PDK1: variants seen among roughly 807,000 people sequenced by gnomAD.
The protein encoded by PDK1 is pyruvate dehydrogenase kinase 1.
PDK1 carries 39 observed loss-of-function variants against 54.2 expected under a neutral mutation model. The observed-to-expected ratio is 0.72, with a 90% CI of 0.56 to 0.94. PDK1 has a LOEUF of 0.94. Ranked by LOEUF, PDK1 falls within the 40% of genes least tolerant of loss-of-function variation. The probability of loss-of-function intolerance (pLI) is 0.00; values close to 1 mark genes in which losing one functional copy is unlikely to be tolerated. For missense variants in PDK1, 552 were observed against 566.0 expected, an observed-to-expected ratio of 0.98 and a Z score of 0.25; for synonymous variants, 221 against 207.1, an observed-to-expected ratio of 1.07 and a Z score of -0.58.
intron 5 of PDK1, 53 bp downstream of exon 5, chr2:172,565,126 GT>G: frequency 9.4e-7 from 1 of 1,068,864 alleles, no homozygotes. Flanking sequence ...CAAAATTATT[GT>G]TATTTCTTAC....
the PDK1 span, chr2:172,678,740 C>T: frequency 1.3e-5 from 2 of 152,134 alleles, no homozygotes; most frequent in Non-Finnish European, 2.9e-5. Flanking sequence ...TGAAATAGGG[C>T]CTTGGCACAA....
At chr2:172,721,116 C>T in the PDK1 span, among the ~76,000 whole-genome samples, 7 of 152,226 alleles carry the variant, frequency 4.6e-5, no homozygotes, top group Middle Eastern at 3.2e-3. Context: ...CAACCGGCAT[C>T]TCTTCTTCCT....
chr2:172,615,153 AGGGTGCCCCTGCT>A, the PDK1 span, among the ~76,000 whole-genome samples: 2 of 152,230 alleles, frequency 1.3e-5, no homozygotes, highest in African/African-American at 4.8e-5. Flanking sequence ...CCGAGTAGAC[AGGGTGCCCCTGCT>A]GGGAGTCTGG....
chr2:172,671,539 GT>G, the PDK1 span, among the ~76,000 whole-genome samples: 330 of 139,812 alleles, frequency 2.4e-3, no homozygotes, highest in Middle Eastern at 3.8e-3. Context: ...CCCTCTATTG[GT>G]TTTTTTTTTT....
intron 8 of PDK1, among the ~76,000 whole-genome samples, chr2:172,571,255 A>C (rs958207730): frequency 6.6e-6 from 1 of 152,216 alleles, no homozygotes; most frequent in Non-Finnish European, 1.5e-5. Flanking sequence ...GGAGACTAAG[A>C]CACAGTGATT....
the PDK1 span, among the ~76,000 whole-genome samples, chr2:172,703,083 A>AG: frequency 6.6e-6 from 1 of 152,218 alleles, no homozygotes; most frequent in Admixed American, 6.5e-5. Flanking sequence ...TGCCATCCCA[A>AG]GCATCCTTAT....
the PDK1 span, among the ~76,000 whole-genome samples, chr2:172,638,385 C>G: frequency 6.6e-6 from 1 of 152,180 alleles, no homozygotes; most frequent in Non-Finnish European, 1.5e-5. Flanking sequence ...ACATAAAATC[C>G]TCCTTCCTAT....
chr2:172,664,526 C>T, the PDK1 span, among the ~76,000 whole-genome samples: 7 of 151,898 alleles, frequency 4.6e-5, no homozygotes, highest in African/African-American at 1.7e-4. Context: ...AAATTTTTCC[C>T]ATTACTCAGT....
At chr2:172,570,559 A>G in intron 7 of PDK1, 167 bp from the exon 8 acceptor site, 1 of 482,088 alleles carries the variant, frequency 2.1e-6, no homozygotes, top group Non-Finnish European at 3.6e-6. Flanking sequence ...AATCCCCCCC[A>G]AATTGACTCC....
intron 8 of PDK1, among the ~76,000 whole-genome samples, chr2:172,572,072 C>T (rs543023176): frequency 5.9e-5 from 9 of 152,012 alleles, no homozygotes; most frequent in South Asian, 2.1e-4. Flanking sequence ...TCGTGTTATC[C>T]GCCTGCCTCG....
chr2:172,582,590 A>G (rs1403757506), intron 8 of PDK1, among the ~76,000 whole-genome samples: 1 of 152,208 alleles, frequency 6.6e-6, no homozygotes, highest in African/African-American at 2.4e-5. Flanking sequence ...GTTTCGTGTT[A>G]GTTTTCACAT....
chr2:172,706,103 A>G, the PDK1 span, among the ~76,000 whole-genome samples: 1 of 152,204 alleles, frequency 6.6e-6, no homozygotes, highest in Non-Finnish European at 1.5e-5. Context: ...CTGTCATCAC[A>G]AAGATCTCTC....
intron 9 of PDK1, among the ~76,000 whole-genome samples, chr2:172,591,078 C>A (rs185372831): frequency 1.3e-5 from 2 of 152,250 alleles, no homozygotes; most frequent in African/African-American, 4.8e-5. Context: ...CGGGTCAGTC[C>A]AGGGGTCCTT....
the PDK1 span, among the ~76,000 whole-genome samples, chr2:172,666,535 A>G: frequency 1.3e-5 from 2 of 152,172 alleles, no homozygotes; most frequent in African/African-American, 4.8e-5. Context: ...CCTATTGGCT[A>G]GGGTTGGACC....
At chr2:172,717,270 A>G in the PDK1 span, among the ~76,000 whole-genome samples, 1 of 152,218 alleles carries the variant, frequency 6.6e-6, no homozygotes, top group East Asian at 1.9e-4. Flanking sequence ...CAGAGCCTCA[A>G]GCTCCAGATG....
the PDK1 span, among the ~76,000 whole-genome samples, chr2:172,712,131 G>A: frequency 6.6e-6 from 1 of 152,122 alleles, no homozygotes; most frequent in African/African-American, 2.4e-5. Context: ...CTAAGATTCT[G>A]AATTGTCTGT....
the PDK1 span, among the ~76,000 whole-genome samples, chr2:172,663,418 T>C: frequency 6.6e-6 from 1 of 152,156 alleles, no homozygotes; most frequent in Non-Finnish European, 1.5e-5. Flanking sequence ...CAGATTGCCA[T>C]GTGGGGTTGT....
At position 172,556,092 on chromosome 2, in the gene PDK1, T is replaced by C; in HGVS notation, c.-59T>C. The C allele has an allele frequency of 2.4e-6, 3 of 1,268,406 alleles. No individual in the cohort carries two copies. The highest frequency in any genetic ancestry group is 3.0e-6 in the Non-Finnish European group (3 of 985,390). The allele number at this position is 1,268,406 out of a possible 1,614,324, so 78.6% of individuals were successfully genotyped here. A position where few individuals can be genotyped will look rare whatever the true frequency, so the allele number is the denominator to read the frequency against. ...GCCCGCCACGTCCCTCACGTACCAC[T>C]CGGCAGAGGCGCGGGGAAACCTGGC... On this transcript the variant is annotated 5_prime_UTR_variant, in exon 1 of 11. Transcript: ENST00000282077.
At chr2:172,621,982 ATC>A in the PDK1 span, among the ~76,000 whole-genome samples, 20 of 147,470 alleles carry the variant, frequency 1.4e-4, no homozygotes, top group Admixed American at 6.2e-4. Context: ...GTATGTTTAT[ATC>A]TCATGATGCA....
Sources: gnomAD v4.1 joint callset for allele counts (sites outside exome capture counted in the v4.1 genomes callset) on GRCh38, gnomAD v4.1.1 for gene constraint, MANE v1.5 for transcripts, NCBI Gene and HGNC (gene_info 2026-07-23, HGNC 2026-07-21) for gene names.